Variants in ABCA5 observed in about 807,000 individuals in gnomAD.
ABCA5 encodes the protein ATP binding cassette subfamily A member 5, also known as cholesterol transporter ABCA5.
ABCA5 carries 163 observed loss-of-function variants against 206.0 expected under a neutral mutation model. The observed-to-expected ratio is 0.79, with a 90% CI of 0.70 to 0.90. The LOEUF (loss-of-function observed/expected upper bound fraction) is 0.90, where lower values mean the gene tolerates loss of function less well. ABCA5 is among the 40% of genes least tolerant of loss of function. The pLI, the probability that ABCA5 is intolerant of heterozygous loss-of-function variation, is 0.00. For missense variants in ABCA5, 1,859 were observed against 1,912.9 expected (o/e 0.97, Z 0.53); for synonymous variants, 609 against 613.8 (o/e 0.99, Z 0.11).
intron 1 of ABCA5, among the ~76,000 whole-genome samples, chr17:69,324,487 C>T (rs1368040249): frequency 6.6e-6 from 1 of 152,174 alleles, no homozygotes; most frequent in Non-Finnish European, 1.5e-5. Context: ...TTCTGGTATC[C>T]AAAATTAGAC....
chr17:69,296,185 T>C (rs1259169522), intron 10 of ABCA5, among the ~76,000 whole-genome samples: 1 of 152,208 alleles, frequency 6.6e-6, no homozygotes, highest in East Asian at 1.9e-4. Context: ...GATTTTCTTA[T>C]TCTACCTTAT....
intron 3 of ABCA5, among the ~76,000 whole-genome samples, chr17:69,310,493 T>G (rs1377416451): frequency 2.0e-5 from 3 of 152,184 alleles, no homozygotes; most frequent in Non-Finnish European, 2.9e-5. Flanking sequence ...ATATTTCTTA[T>G]AAAGAAAATT....
In ABCA5 at chr17:69,287,886, A is replaced by C. The variant is rs553667247; in HGVS notation, c.1903-135T>G. ...GAAATATATTAGATCAGATTTTTTCATTCATAATTGAGTTCACATAAATTT... is the reference window on the plus strand; with the variant it reads ...GAAATATATTAGATCAGATTTTTTCCTTCATAATTGAGTTCACATAAATTT... On this transcript the variant is annotated intron_variant, in intron 14 of 38. Coordinates refer to ENST00000392676, the MANE Select transcript of ABCA5 (RefSeq NM_172232.4). 11 of 846,078 alleles carry C rather than the reference A, an allele frequency of 1.3e-5. No homozygotes were observed. In the Admixed American group the frequency reaches 1.9e-4, roughly 15 times the overall value. 52.4% of individuals were successfully genotyped at this position (846,078 alleles called of 1,614,324 possible). A position where few individuals can be genotyped will look rare whatever the true frequency, so the allele number is the denominator to read the frequency against.
At chr17:69,298,228 G>GTAGT (rs2075604600) in intron 9 of ABCA5, among the ~76,000 whole-genome samples, 1 of 52,346 alleles carries the variant, frequency 1.9e-5, no homozygotes, top group South Asian at 7.2e-4. Context: ...AGGAAGGTAG[G>GTAGT]TAGGAAGGAA....
chr17:69,280,183 A>T (rs964444322), intron 18 of ABCA5, among the ~76,000 whole-genome samples: 6 of 152,138 alleles, frequency 3.9e-5, no homozygotes, highest in Non-Finnish European at 8.8e-5. Flanking sequence ...AAACAAATTT[A>T]CAAGAAAAAA....
chr17:69,250,662 C>T (rs779940810), intron 35 of ABCA5, 41 bp from the exon 36 acceptor site: 2 of 1,447,514 alleles, frequency 1.4e-6, no homozygotes, highest in South Asian at 2.7e-5. Flanking sequence ...TATAAAATGA[C>T]AGCTTCAAAG....
At position 69,260,389 on chromosome 17, in the gene ABCA5, T is replaced by G. The variant is rs755708098; in HGVS notation, c.3588A>C (p.Lys1196Asn). 1 of 1,607,554 alleles carries G rather than the reference T, an allele frequency of 6.2e-7. No individual in the cohort carries two copies. The highest frequency in any genetic ancestry group is 8.5e-7 in the Non-Finnish European group (1 of 1,175,638). Residue 1196 changes from lysine to asparagine, a missense_variant, in exon 27 of 39, where the codon AAA (lysine) becomes AAC (asparagine). Physicochemically the swap from Lys to Asn is moderately conservative, Grantham distance 94 (BLOSUM62 0). Transcript: ENST00000392676. Reference protein sequence around the residue: ...FIKISWKNVRKNVDTYNPWDR... With the variant: ...FIKISWKNVRNNVDTYNPWDR... Reference sequence around the variant, plus strand: ...CCCATGGATTATAGGTGTCCACATTTTTTCGTACATTCTTCCAAGAAATCT... The same window carrying G: ...CCCATGGATTATAGGTGTCCACATTGTTTCGTACATTCTTCCAAGAAATCT...
In ABCA5 at chr17:69,277,857, A is replaced by G; in HGVS notation, c.2393-15T>C. The G allele has an allele frequency of 1.3e-6, 2 of 1,481,686 alleles. No individual in the cohort carries two copies. The highest frequency in any genetic ancestry group is 1.4e-5 in the African/African-American group (1 of 69,740). The allele number at this position is 1,481,686 out of a possible 1,614,324, so 91.8% of individuals were successfully genotyped here. A position where few individuals can be genotyped will look rare whatever the true frequency, so the allele number is the denominator to read the frequency against. ...TACACTATAATCTATTTGCCAAAAC[A>G]AAACAAACATTTCAGTATGTTCATT... is the stretch of plus-strand genomic sequence containing the variant. On this transcript the variant is annotated splice_polypyrimidine_tract_variant and intron_variant, in intron 18 of 38. Coordinates refer to ENST00000392676, the MANE Select transcript of ABCA5 (RefSeq NM_172232.4).
At chr17:69,298,853 T>C (rs1282243276) in intron 9 of ABCA5, among the ~76,000 whole-genome samples, 1 of 152,118 alleles carries the variant, frequency 6.6e-6, no homozygotes, top group Non-Finnish European at 1.5e-5. Flanking sequence ...AGCTTCTCCA[T>C]AGCAAAAGAA....
intron 1 of ABCA5, among the ~76,000 whole-genome samples, chr17:69,319,982 G>A (rs1377715509): frequency 6.6e-6 from 1 of 152,162 alleles, no homozygotes; most frequent in Non-Finnish European, 1.5e-5. Context: ...GTTATTTAAT[G>A]TTTTTGCGCC....
At chr17:69,325,516 C>T (rs991404270) in intron 1 of ABCA5, among the ~76,000 whole-genome samples, 2 of 152,012 alleles carry the variant, frequency 1.3e-5, no homozygotes, top group Non-Finnish European at 2.9e-5. Context: ...TGACTTAGTA[C>T]AATATCATAA....
intron 1 of ABCA5, among the ~76,000 whole-genome samples, chr17:69,316,350 A>C (rs1365853226): frequency 6.6e-6 from 1 of 151,876 alleles, no homozygotes; most frequent in Non-Finnish European, 1.5e-5. Flanking sequence ...AAAATTAGCC[A>C]GGTGTGGTGG....
At chr17:69,278,444 T>A (rs998028910) in intron 18 of ABCA5, among the ~76,000 whole-genome samples, 3 of 152,218 alleles carry the variant, frequency 2.0e-5, no homozygotes, top group African/African-American at 4.8e-5. Flanking sequence ...ACTTCTCAAT[T>A]AAAATTTAGC....
intron 21 of ABCA5, 83 bp downstream of exon 21, chr17:69,271,079 A>G (rs987846061): frequency 6.7e-7 from 1 of 1,486,066 alleles, no homozygotes. Context: ...ATAAGGTCAA[A>G]TCAACAAATA....
intron 1 of ABCA5, among the ~76,000 whole-genome samples, chr17:69,320,915 T>A (rs926250376): frequency 3.9e-5 from 6 of 152,214 alleles, no homozygotes; most frequent in Non-Finnish European, 8.8e-5. Flanking sequence ...TTTGGCTTCC[T>A]TTTCAGGTGT....
intron 12 of ABCA5, among the ~76,000 whole-genome samples, chr17:69,290,989 C>T (rs922277028): frequency 3.9e-5 from 6 of 151,982 alleles, no homozygotes; most frequent in Non-Finnish European, 7.4e-5. Flanking sequence ...TACACATCTA[C>T]GTGTGTATAT....
intron 19 of ABCA5, among the ~76,000 whole-genome samples, chr17:69,275,713 G>C (rs2075323900): frequency 6.6e-6 from 1 of 152,140 alleles, no homozygotes; most frequent in Non-Finnish European, 1.5e-5. Context: ...TTTTGTTATG[G>C]ATTGAATGTT....
intron 3 of ABCA5, among the ~76,000 whole-genome samples, chr17:69,312,554 A>C (rs2075780414): frequency 6.6e-6 from 1 of 152,188 alleles, no homozygotes; most frequent in African/African-American, 2.4e-5. Context: ...AGTCTTTATC[A>C]CATATTTCTA....
chr17:69,262,373 C>G (rs2075158329), intron 24 of ABCA5, among the ~76,000 whole-genome samples: 1 of 152,062 alleles, frequency 6.6e-6, no homozygotes, highest in Admixed American at 6.5e-5. Flanking sequence ...TTTTTCAACC[C>G]TTGCTCCCCT....
Sources: gnomAD v4.1 joint callset for allele counts (sites outside exome capture counted in the v4.1 genomes callset) on GRCh38, gnomAD v4.1.1 for gene constraint, MANE v1.5 for transcripts, NCBI Gene and HGNC (gene_info 2026-07-23, HGNC 2026-07-21) for gene names.